The following IGSF9B variants were observed in gnomAD, a reference collection of about 807,000 sequenced individuals.
The protein encoded by IGSF9B is protein turtle homolog B.
A neutral mutation model predicts 143.7 loss-of-function variants in IGSF9B; 48 were observed. The ratio of observed to expected loss-of-function variants is 0.33; its 90% CI spans 0.26 to 0.42. The LOEUF (loss-of-function observed/expected upper bound fraction) is 0.42, where lower values mean the gene tolerates loss of function less well. IGSF9B is among the 20% of genes least tolerant of loss of function. IGSF9B has a pLI of 1.00. For synonymous variants in IGSF9B, 903 were observed against 833.1 expected (o/e 1.08, Z -1.44); for missense variants, 1,706 against 1,980.0 (o/e 0.86, Z 2.63).
At chr11:133,912,901 C>T (rs750769855) in intron 18 of IGSF9B, among the ~76,000 whole-genome samples, 15 of 152,182 alleles carry the variant, frequency 9.9e-5, no homozygotes, top group African/African-American at 3.4e-4. Flanking sequence ...TGGCCACACC[C>T]GTGAGGCAGC....
chr11:133,899,001 G>A lies in IGSF9B; in HGVS notation c.*10068C>T, dbSNP rs1939071378. 1 of 152,306 alleles carries A rather than the reference G, an allele frequency of 6.6e-6. No individual in the cohort carries two copies. The highest frequency in any genetic ancestry group is 2.4e-5 in the African/African-American group (1 of 41,454). The allele number at this position is 152,306 out of a possible 1,614,324, so 9.4% of individuals were successfully genotyped here. On this transcript the variant is annotated 3_prime_UTR_variant, in exon 20 of 20. Transcript: ENST00000533871. The stretch of plus-strand genomic sequence containing the variant: ...CTGGTTGGTGACAGTGGGGAAGAGG[G>A]ACAGGGCCCACACTGATCCATGGGA...
intron 17 of IGSF9B, among the ~76,000 whole-genome samples, chr11:133,921,943 ATCTGCACTGCCAC>A (rs1167053724): frequency 2.6e-5 from 4 of 152,210 alleles, no homozygotes; most frequent in African/African-American, 9.6e-5. Flanking sequence ...AATTTGGATC[ATCTGCACTGCCAC>A]TCCCTCTACC....
In IGSF9B at chr11:133,902,579, CA is replaced by C. The variant is rs1939156640; in HGVS notation, c.*6489del. Among the ~76,000 whole-genome samples, 1 of 146,790 alleles carries C rather than the reference CA, an allele frequency of 6.8e-6. No homozygotes were observed. Among genetic ancestry groups the C allele is most frequent in the East Asian group, 2.0e-4 (1 of 5,014 alleles). ...TACACACACACACCCCACACACACA[CA>C]CACACACCCCACTTACTTCCTGAAT... On this transcript the variant is annotated 3_prime_UTR_variant, in exon 20 of 20. Coordinates refer to ENST00000533871, the MANE Select transcript of IGSF9B (RefSeq NM_001277285.4).
chr11:133,937,361 G>A lies in IGSF9B; in HGVS notation c.679+15C>T. 3.2e-6 allele frequency: 5 copies of A among 1,586,192 alleles called. No homozygotes were observed. Among genetic ancestry groups the A allele is most frequent in the Non-Finnish European group, 4.3e-6 (5 of 1,156,472 alleles). On this transcript the variant is annotated intron_variant, in intron 5 of 19. Coordinates refer to ENST00000533871, the MANE Select transcript of IGSF9B (RefSeq NM_001277285.4). ...GGGAGCCCAGGGTTAAAGAGGCTGA[G>A]GAAATGGCTCCTACCTTGGACAAGC...
At chr11:133,950,200 C>A (rs1386689423) in intron 1 of IGSF9B, among the ~76,000 whole-genome samples, 1 of 152,168 alleles carries the variant, frequency 6.6e-6, no homozygotes, top group Non-Finnish European at 1.5e-5. Context: ...ACCCGGAGCT[C>A]CTCCGCCGGG....
At position 133,896,494 on chromosome 11, in the gene IGSF9B, T is replaced by C. The variant is rs1231508095; in HGVS notation, c.*12575A>G. 6.6e-5 allele frequency: 10 copies of C among 152,218 alleles called. No individual in the cohort carries two copies. Among genetic ancestry groups the C allele is most frequent in the African/African-American group, 2.4e-4 (10 of 41,458 alleles). 9.4% of individuals were successfully genotyped at this position (152,218 alleles called of 1,614,324 possible). A position where few individuals can be genotyped will look rare whatever the true frequency, so the allele number is the denominator to read the frequency against. On this transcript the variant is annotated 3_prime_UTR_variant, in exon 20 of 20. Coordinates refer to ENST00000533871, the MANE Select transcript of IGSF9B (RefSeq NM_001277285.4). ...ACAAAACATTTCTGAAGCAGAGTAA[T>C]GTTACATGAGGAGCAATTAAATACT...
chr11:133,911,654 T>G (rs1565414107), intron 19 of IGSF9B, among the ~76,000 whole-genome samples: 3 of 152,214 alleles, frequency 2.0e-5, no homozygotes, highest in Non-Finnish European at 4.4e-5. Flanking sequence ...TCAGATAGAT[T>G]TCCCTTATCT....
At chr11:133,935,475 C>T in intron 7 of IGSF9B, 142 bp downstream of exon 7, 2 of 1,011,924 alleles carry the variant, frequency 2.0e-6, no homozygotes, top group Non-Finnish European at 2.8e-6. Flanking sequence ...CTCCAGCCAT[C>T]CCTCCTTCTT....
chr11:133,930,790 C>T (rs998677250), intron 11 of IGSF9B, among the ~76,000 whole-genome samples, 194 bp downstream of exon 11: 2 of 152,252 alleles, frequency 1.3e-5, no homozygotes, highest in African/African-American at 2.4e-5. Flanking sequence ...ACAGGAGCCA[C>T]GCTGCCCTTC....
rs1939728355 is a variant in IGSF9B at position 133,931,467 on chromosome 11, T to TGACAGGAAAGGGGTCCCCTGC, written c.1333_1353dup (p.Ala445_Val451dup). The TGACAGGAAAGGGGTCCCCTGC allele has an allele frequency of 6.2e-7, 1 of 1,611,234 alleles. No individual in the cohort carries two copies. Among genetic ancestry groups the TGACAGGAAAGGGGTCCCCTGC allele is most frequent in the Admixed American group, 1.7e-5 (1 of 59,954 alleles). Reference sequence around the variant, plus strand: ...GGCCCAGGTACCTTTCTCCAAGTGATGACAGGAAAGGGGTCCCCTGCGGCA... The same window carrying TGACAGGAAAGGGGTCCCCTGC: ...GGCCCAGGTACCTTTCTCCAAGTGATGACAGGAAAGGGGTCCCCTGCGACAGGAAAGGGGTCCCCTGCGGCA... On this transcript the variant is annotated inframe_insertion, in exon 10 of 20. Transcript: ENST00000533871. This position sits in a 1 kb window ranked among gnomAD's most constrained non-coding sequence, Gnocchi z 7.7.
chr11:133,935,501 C>T, intron 7 of IGSF9B, 116 bp downstream of exon 7: 1 of 1,201,778 alleles, frequency 8.3e-7, no homozygotes. Flanking sequence ...ATTCGCTCCT[C>T]CACCTACATG....
Position 133,929,652 on chromosome 11 carries a change from G to T in IGSF9B, c.1631+19C>A. 6.5e-7 allele frequency: 1 copy of T among 1,531,910 alleles called. No individual in the cohort carries two copies. The highest frequency in any genetic ancestry group is 1.1e-5 in the South Asian group (1 of 89,356). 94.9% of individuals were successfully genotyped at this position (1,531,910 alleles called of 1,614,324 possible). A position where few individuals can be genotyped will look rare whatever the true frequency, so the allele number is the denominator to read the frequency against. ...AGCAGAGAGCAAAGCATGCCGGGGT[G>T]ACTCACAGAGGTCCGTACCAAACTG... On this transcript the variant is annotated intron_variant, in intron 12 of 19. Coordinates refer to ENST00000533871, the MANE Select transcript of IGSF9B (RefSeq NM_001277285.4).
chr11:133,949,197 G>T (rs993018579), intron 1 of IGSF9B, among the ~76,000 whole-genome samples: 7 of 152,154 alleles, frequency 4.6e-5, no homozygotes, highest in Non-Finnish European at 8.8e-5. Flanking sequence ...AAAATGAGAG[G>T]GAGCTTCCCC....
At position 133,905,786 on chromosome 11, in the gene IGSF9B, C is replaced by G. The variant is rs1001142041; in HGVS notation, c.*3283G>C. ...GCAGGGCCACTCCCAGATGCTGGGC[C>G]CAGAGCCACCCCAACAATCCAGCAC... On this transcript the variant is annotated 3_prime_UTR_variant, in exon 20 of 20. Transcript: ENST00000533871. This position sits in a 1 kb window ranked among gnomAD's most constrained non-coding sequence, Gnocchi z 4.0. Among the ~76,000 whole-genome samples, 5 of 152,336 alleles carry G rather than the reference C, an allele frequency of 3.3e-5. No homozygotes were observed. Among genetic ancestry groups the G allele is most frequent in the South Asian group, 2.1e-4 (1 of 4,828 alleles).
rs568588180 is a variant in IGSF9B, at chr11:133,907,710, C to T, written c.*1359G>A. Among the ~76,000 whole-genome samples, 1 of 152,176 alleles carries T rather than the reference C, an allele frequency of 6.6e-6. No homozygotes were observed. The highest frequency in any genetic ancestry group is 2.4e-5 in the African/African-American group (1 of 41,442). On this transcript the variant is annotated 3_prime_UTR_variant, in exon 20 of 20. Transcript: ENST00000533871. Reference sequence around the variant, plus strand: ...GGCAGAGGAAGAGTCAGTGCCCAGACCCTACTCACCACCCCTCCCGCCTTC... The same window carrying T: ...GGCAGAGGAAGAGTCAGTGCCCAGATCCTACTCACCACCCCTCCCGCCTTC...
Position 133,920,857 on chromosome 11 carries a change from AG to A in IGSF9B, c.2867del (p.Pro956LeufsTer37). The A allele has an allele frequency of 1.9e-6, 3 of 1,601,084 alleles. No homozygotes were observed. Among genetic ancestry groups the A allele is most frequent in the Non-Finnish European group, 2.6e-6 (3 of 1,173,254 alleles). ...GGCCATGGTGGAAGGGCCGGGGGGC[AG>A]GGGGCCGGGCCTGGCCTGTGGCCTG... The part of the protein sequence containing the change: ...RLQATGQARP[P>X]APRPFHHGQY... On this transcript the variant is annotated frameshift_variant, in exon 18 of 20. Coordinates refer to ENST00000533871, the MANE Select transcript of IGSF9B (RefSeq NM_001277285.4). LOFTEE classifies it high-confidence loss of function.
chr11:133,919,296 G>T (rs1037158038), intron 18 of IGSF9B, among the ~76,000 whole-genome samples: 43 of 152,154 alleles, frequency 2.8e-4, no homozygotes, highest in Non-Finnish European at 7.4e-5. Context: ...AGGCTCCGGG[G>T]TCCTGCTTAG....
Position 133,956,886 on chromosome 11 carries a change from C to G in IGSF9B, c.-132G>C, listed in dbSNP as rs1027094402. On this transcript the variant is annotated 5_prime_UTR_variant, in exon 1 of 20. Coordinates refer to ENST00000533871, the MANE Select transcript of IGSF9B (RefSeq NM_001277285.4). Reference sequence around the variant, plus strand: ...GCCCCGCGCCGGTGCTCCTGCAGCCCGGGTGGCCAGCTCTCCATCCCTCCT... The same window carrying G: ...GCCCCGCGCCGGTGCTCCTGCAGCCGGGGTGGCCAGCTCTCCATCCCTCCT... The G allele has an allele frequency of 4.4e-6, 2 of 458,048 alleles. No homozygotes were observed. Among genetic ancestry groups the G allele is most frequent in the Admixed American group, 4.5e-5 (1 of 22,078 alleles). 28.4% of individuals were successfully genotyped at this position (458,048 alleles called of 1,614,324 possible). A position where few individuals can be genotyped will look rare whatever the true frequency, so the allele number is the denominator to read the frequency against.
intron 18 of IGSF9B, among the ~76,000 whole-genome samples, chr11:133,914,515 C>A (rs73032062): frequency 0.14 from 21,504 of 152,166 alleles, 1,890 homozygotes; most frequent in Middle Eastern, 0.21. Flanking sequence ...TAAGTTGTAT[C>A]GTCAAAGCAA....
Sources: allele counts gnomAD v4.1 joint callset (sites outside exome capture counted in the v4.1 genomes callset), GRCh38; gene constraint gnomAD v4.1.1; non-coding constraint Gnocchi (gnomAD v3.1); transcripts MANE v1.5; gene names NCBI Gene and HGNC (gene_info 2026-07-23, HGNC 2026-07-21).